FBXO34: variants seen among roughly 807,000 people sequenced by gnomAD.
FBXO34 encodes F-box only protein 34.
Under a neutral mutation model 24.5 loss-of-function variants are expected in FBXO34, and 12 were observed. That is an observed-to-expected ratio of 0.49 (90% confidence interval 0.31 to 0.79). The LOEUF (loss-of-function observed/expected upper bound fraction) is 0.79. FBXO34 is among the 30% of genes least tolerant of loss of function. The probability of loss-of-function intolerance (pLI) is 0.04; values close to 1 mark genes in which losing one functional copy is unlikely to be tolerated. For synonymous variants in FBXO34, 320 were observed against 311.9 expected (o/e 1.03, Z -0.27); for missense variants, 823 against 857.7 (o/e 0.96, Z 0.51).
intron 1 of FBXO34, among the ~76,000 whole-genome samples, chr14:55,337,868 A>T (rs1489231695): frequency 6.6e-6 from 1 of 152,030 alleles, no homozygotes; most frequent in Admixed American, 6.6e-5. Flanking sequence ...GTACCCTGCC[A>T]TGGGCCCTTC....
At chr14:55,360,320 G>A (rs895255082) in intron 3 of FBXO34, among the ~76,000 whole-genome samples, 11 of 152,056 alleles carry the variant, frequency 7.2e-5, no homozygotes, top group African/African-American at 2.2e-4. Flanking sequence ...TGATCTGCCC[G>A]CCTCGGCCTC....
At chr14:55,383,131 T>C in the FBXO34 span, among the ~76,000 whole-genome samples, 6 of 152,208 alleles carry the variant, frequency 3.9e-5, no homozygotes, top group Non-Finnish European at 5.9e-5. Flanking sequence ...GGTACTTCAG[T>C]GTGCAGCACA....
chr14:55,411,615 G>A, the FBXO34 span: 4 of 1,609,460 alleles, frequency 2.5e-6, no homozygotes, highest in South Asian at 3.3e-5. Context: ...TCCCGGTCGC[G>A]GCCGTCGAAG....
rs375351679 is a variant in FBXO34 at position 55,273,644 on chromosome 14, G to T, written c.-11+2107G>T. Among the ~76,000 whole-genome samples the T allele has an allele frequency of 1.6e-4, 24 of 152,310 alleles. No individual in the cohort carries two copies. In the South Asian group the frequency reaches 4.8e-3, roughly 30 times the overall value. ...GCACTTGAATTATTATGCAACTGCT[G>T]ATATTGAGAGTGTTAGTCAACCTTT... On this transcript the variant is annotated intron_variant, in intron 1 of 1. Transcript: ENST00000313833.
At chr14:55,365,927 C>CA (rs944753954), downstream of FBXO34, among the ~76,000 whole-genome samples, 2 of 152,130 alleles carry the variant, frequency 1.3e-5, no homozygotes, top group African/African-American at 4.8e-5. Flanking sequence ...GCCGACTACC[C>CA]ACCTGGGAGA....
At chr14:55,420,617 A>G in the FBXO34 span, among the ~76,000 whole-genome samples, 1 of 152,328 alleles carries the variant, frequency 6.6e-6, no homozygotes, top group African/African-American at 2.4e-5. Flanking sequence ...ACCTCCAGAA[A>G]AGTCCATGTC....
At chr14:55,335,287 G>A (rs888043373) in intron 1 of FBXO34, 6 of 152,222 alleles carry the variant, frequency 3.9e-5, no homozygotes. Context: ...TGGGGGTAGG[G>A]GGGTTATAAA....
intron 1 of FBXO34, among the ~76,000 whole-genome samples, chr14:55,319,696 A>G (rs939838205): frequency 1.3e-5 from 2 of 152,168 alleles, no homozygotes; most frequent in Admixed American, 1.3e-4. Flanking sequence ...TTCTTTTTTT[A>G]GATGGAGTCT....
the FBXO34 span, among the ~76,000 whole-genome samples, chr14:55,382,929 A>G: frequency 6.6e-6 from 1 of 152,272 alleles, no homozygotes; most frequent in Non-Finnish European, 1.5e-5. Flanking sequence ...CAATAAACCT[A>G]TTATACATTT....
chr14:55,323,194 A>AT (rs1883210023), intron 1 of FBXO34, among the ~76,000 whole-genome samples: 1 of 36,576 alleles, frequency 2.7e-5, no homozygotes, highest in Non-Finnish European at 4.0e-5. Flanking sequence ...CAAAAAAAAA[A>AT]AAAAAAAAAA....
the FBXO34 span, among the ~76,000 whole-genome samples, chr14:55,394,312 TC>T: frequency 2.0e-5 from 3 of 152,268 alleles, no homozygotes; most frequent in South Asian, 6.2e-4. Flanking sequence ...GCCCTTTTTT[TC>T]CTTCATAATT....
At chr14:55,323,024 A>C (rs28593760) in intron 1 of FBXO34, among the ~76,000 whole-genome samples, 55 of 70,612 alleles carry the variant, frequency 7.8e-4, no homozygotes, top group East Asian at 1.8e-3. Context: ...ATACAAAAAA[A>C]AAAAAAAAAG....
chr14:55,309,613 CAG>C (rs1882668203), intron 1 of FBXO34, among the ~76,000 whole-genome samples: 4 of 152,116 alleles, frequency 2.6e-5, no homozygotes, highest in Admixed American at 2.6e-4. Flanking sequence ...ATTTCTGAAA[CAG>C]AAAATCATTT....
At chr14:55,292,260 CTTAA>C (rs1053466665) in intron 1 of FBXO34, among the ~76,000 whole-genome samples, 1 of 151,832 alleles carries the variant, frequency 6.6e-6, no homozygotes, top group African/African-American at 2.4e-5. Flanking sequence ...GTTAAGTGTC[CTTAA>C]TTATATTTTT....
At chr14:55,433,593 G>GT in the FBXO34 span, 1 of 1,568,776 alleles carries the variant, frequency 6.4e-7, no homozygotes, top group African/African-American at 1.4e-5. Flanking sequence ...ATACTAAATT[G>GT]TTTCTCTGGT....
intron 1 of FBXO34, among the ~76,000 whole-genome samples, chr14:55,278,158 A>G (rs1471559043): frequency 1.3e-5 from 2 of 152,136 alleles, no homozygotes; most frequent in Non-Finnish European, 2.9e-5. Flanking sequence ...TACTTAGGTC[A>G]TATGTGAAAC....
chr14:55,412,730 T>C, the FBXO34 span, among the ~76,000 whole-genome samples: 3 of 152,212 alleles, frequency 2.0e-5, no homozygotes, highest in African/African-American at 7.2e-5. Context: ...CCCTGAATTC[T>C]CTCTCTAGCC....
chr14:55,403,142 GTGT>G, the FBXO34 span, among the ~76,000 whole-genome samples: 1 of 150,750 alleles, frequency 6.6e-6, no homozygotes, highest in African/African-American at 2.4e-5. Flanking sequence ...TAGAAACAAA[GTGT>G]TGTTTAGTTT....
At chr14:55,418,580 T>C in the FBXO34 span, among the ~76,000 whole-genome samples, 1 of 152,356 alleles carries the variant, frequency 6.6e-6, no homozygotes, top group Non-Finnish European at 1.5e-5. Context: ...GTCGTGTCTC[T>C]GGCCCACTCA....
Sources: gnomAD v4.1 joint callset for allele counts (sites outside exome capture counted in the v4.1 genomes callset) on GRCh38, gnomAD v4.1.1 for gene constraint, MANE v1.5 for transcripts, NCBI Gene and HGNC (gene_info 2026-07-23, HGNC 2026-07-21) for gene names.